Variants in AGAP6 observed in about 807,000 individuals in gnomAD.
The protein encoded by AGAP6 is ArfGAP with GTPase domain, ankyrin repeat and PH domain 6, also known as arf-GAP with GTPase, ANK repeat and PH domain-containing protein 6.
Under a neutral mutation model 63.9 loss-of-function variants are expected in AGAP6, and 29 were observed. The observed-to-expected ratio is 0.45, with a 90% CI of 0.34 to 0.62. The LOEUF (loss-of-function observed/expected upper bound fraction) is 0.62. Ranked by LOEUF, AGAP6 falls within the 20% of genes least tolerant of loss-of-function variation. AGAP6 has a pLI of 0.01. For synonymous variants in AGAP6, 199 were observed against 332.9 expected (o/e 0.60, Z 4.38); for missense variants, 493 against 884.9 (o/e 0.56, Z 5.62).
chr10:49,993,113 G>C (rs1197086414), intron 3 of AGAP6, among the ~76,000 whole-genome samples: 1 of 152,100 alleles, frequency 6.6e-6, no homozygotes, highest in Non-Finnish European at 1.5e-5. Flanking sequence ...ATTACCATGG[G>C]GATGGGACCA....
In AGAP6 at chr10:50,008,298, C is replaced by CTT. The variant is rs1181143677; in HGVS notation, c.585+242_585+243dup. On this transcript the variant is annotated intron_variant, in intron 7 of 7. Transcript: ENST00000412531. ...ACTATCCAAACAACAGAAGATGTAT[C>CTT]TTTTTTTTTTTTTTTTTTTTTATGG... 8.9e-4 allele frequency among the ~76,000 whole-genome samples: 105 copies of CTT among 118,158 alleles called. 1 individual carries two copies. Among genetic ancestry groups the CTT allele is most frequent in the South Asian group, 2.3e-3 (8 of 3,530 alleles). 77.5% of individuals were successfully genotyped at this position (118,158 alleles called of 152,430 possible).
intron 4 of AGAP6, among the ~76,000 whole-genome samples, chr10:49,999,941 A>G (rs1411814656): frequency 7.0e-6 from 1 of 142,246 alleles, no homozygotes; most frequent in African/African-American, 2.7e-5. Flanking sequence ...GATGTCTACA[A>G]GGAAAACAAC....
intron 4 of AGAP6, among the ~76,000 whole-genome samples, chr10:49,997,050 T>C (rs531965160): frequency 4.1e-5 from 6 of 147,710 alleles, no homozygotes; most frequent in Admixed American, 3.4e-4. Context: ...TTAATCCAAA[T>C]TTAGGACCTG....
At chr10:49,992,700 G>A (rs1841327457) in intron 3 of AGAP6, among the ~76,000 whole-genome samples, 1 of 152,116 alleles carries the variant, frequency 6.6e-6, no homozygotes, top group Admixed American at 6.5e-5. Context: ...AAGGCAAAGG[G>A]GAAGCAGGTG....
Position 50,008,651 on chromosome 10 carries a change from A to G in AGAP6, c.586-60A>G, listed in dbSNP as rs532116832. ...TTTAAAAGGTAATTGTGAGCTGTCT[A>G]TAGGACCCTGCAAGCCACTACCCAA... On this transcript the variant is annotated intron_variant, in intron 7 of 7. Coordinates refer to ENST00000412531, the MANE Select transcript of AGAP6 (RefSeq NM_001077665.3). 3.5e-5 allele frequency: 57 copies of G among 1,613,144 alleles called. No homozygotes were observed. In the Admixed American group the frequency reaches 5.8e-4, roughly 17 times the overall value.
intron 6 of AGAP6, 81 bp from the exon 7 acceptor site, chr10:50,007,944 A>C: frequency 6.2e-7 from 1 of 1,608,864 alleles, no homozygotes; most frequent in Non-Finnish European, 8.5e-7. Context: ...ACCAAAGCAC[A>C]CAGGAGGCAG....
intron 4 of AGAP6, among the ~76,000 whole-genome samples, chr10:49,998,947 C>G (rs1370068632): frequency 2.1e-5 from 3 of 141,620 alleles, no homozygotes; most frequent in Non-Finnish European, 4.5e-5. Context: ...GGCACGGTGG[C>G]TCACACCTGT....
intron 4 of AGAP6, among the ~76,000 whole-genome samples, chr10:49,996,115 C>T (rs1841476696): frequency 6.6e-6 from 1 of 152,200 alleles, no homozygotes; most frequent in South Asian, 2.1e-4. Flanking sequence ...AGTATGCCTG[C>T]ATTGATTTTT....
intron 4 of AGAP6, among the ~76,000 whole-genome samples, chr10:49,996,911 T>A (rs1271231959): frequency 6.6e-6 from 1 of 150,452 alleles, no homozygotes; most frequent in Non-Finnish European, 1.5e-5. Flanking sequence ...TATCTACTTT[T>A]TATGTCTCAG....
chr10:50,009,174 C>A lies in AGAP6; in HGVS notation c.1049C>A (p.Ser350Ter). The stretch of plus-strand genomic sequence containing the variant: ...GGAAAGTGGCCATCCCTAGCCACAT[C>A]GGCCTGCACACCCATCTCCAGCTCT... ...VPGKWPSLAT[S>*]ACTPISSSKS... Residue 350 changes from serine (S) to a stop codon, truncating the protein, a stop_gained, in exon 8 of 8, where the codon TCG becomes TAG. Transcript: ENST00000412531. LOFTEE classifies it high-confidence loss of function. 6.2e-7 allele frequency: 1 copy of A among 1,614,212 alleles called. No individual in the cohort carries two copies. Among genetic ancestry groups the A allele is most frequent in the Non-Finnish European group, 8.5e-7 (1 of 1,180,026 alleles).
At chr10:49,991,780 A>T (rs782656593) in intron 3 of AGAP6, 36 bp downstream of exon 3, 87 of 1,597,566 alleles carry the variant, frequency 5.4e-5, no homozygotes, top group Non-Finnish European at 7.0e-5. Flanking sequence ...AAGAGAAAGA[A>T]TAAAAGCTCT....
intron 3 of AGAP6, among the ~76,000 whole-genome samples, chr10:49,993,930 G>A (rs1589087202): frequency 6.6e-6 from 1 of 152,044 alleles, no homozygotes; most frequent in Non-Finnish European, 1.5e-5. Context: ...ACTAAGTGTG[G>A]TTCAAGATGC....
Position 49,992,147 on chromosome 10 carries a change from T to G in AGAP6, c.361+403T>G, listed in dbSNP as rs1214084224. ...CAGCTTGGTTTTCATTTAAACAAAT[T>G]AAAAAACATAGTTGTTTATCATCAG... On this transcript the variant is annotated intron_variant, in intron 3 of 7. Coordinates refer to ENST00000412531, the MANE Select transcript of AGAP6 (RefSeq NM_001077665.3). Among the ~76,000 whole-genome samples the G allele has an allele frequency of 3.2e-4, 48 of 151,548 alleles. 3 individuals carry two copies. The South Asian group carries it at 9.9e-3, about 31-fold the overall frequency.
intron 6 of AGAP6, among the ~76,000 whole-genome samples, chr10:50,006,306 T>C (rs1841912542): frequency 6.6e-6 from 1 of 152,240 alleles, no homozygotes; most frequent in African/African-American, 2.4e-5. Context: ...AACAAGTTTT[T>C]CAAAGTCCAG....
At chr10:50,001,437 T>TTTTA (rs1841695078) in intron 4 of AGAP6, among the ~76,000 whole-genome samples, 1 of 132,946 alleles carries the variant, frequency 7.5e-6, no homozygotes, top group Non-Finnish European at 1.7e-5. Flanking sequence ...TTTTTTTTTT[T>TTTTA]GAGACGGAGT....
rs1276742836 is a variant in AGAP6 at position 49,990,012 on chromosome 10, A to G, written c.292+636A>G. On this transcript the variant is annotated intron_variant, in intron 2 of 7. Coordinates refer to ENST00000412531, the MANE Select transcript of AGAP6 (RefSeq NM_001077665.3). ...AACTTTCAAAAGACATGAAACGTCA[A>G]TGTAGACTTTTAATGTGTAATATAA... Among the ~76,000 whole-genome samples the G allele has an allele frequency of 5.2e-5, 8 of 152,388 alleles. No homozygotes were observed. In the South Asian group the frequency reaches 1.7e-3, roughly 32 times the overall value.
At chr10:50,004,219 A>T (rs1329502208) in intron 5 of AGAP6, among the ~76,000 whole-genome samples, 2 of 146,844 alleles carry the variant, frequency 1.4e-5, no homozygotes, top group Admixed American at 1.4e-4. Flanking sequence ...ATCTGAGCAT[A>T]GTGGCGCAAA....
chr10:50,009,612 T>C lies in AGAP6; in HGVS notation c.1487T>C (p.Val496Ala). The change falls in exon 8 of 8, where the codon GTC becomes GCC. Residue 496 changes from valine (V) to alanine (A), a missense_variant. Coordinates refer to ENST00000412531, the MANE Select transcript of AGAP6 (RefSeq NM_001077665.3). Reference sequence around the variant, plus strand: ...AAGTGGGCCAGTTTGAACTTGGGAGTCCTCATGTGTATTGAATGCTCAGGT... The same window carrying C: ...AAGTGGGCCAGTTTGAACTTGGGAGCCCTCATGTGTATTGAATGCTCAGGT... Reference protein sequence around the residue: ...NPKWASLNLGVLMCIECSGIH... With the variant: ...NPKWASLNLGALMCIECSGIH... The C allele has an allele frequency of 1.2e-6, 2 of 1,613,758 alleles. No individual in the cohort carries two copies. The highest frequency in any genetic ancestry group is 1.7e-6 in the Non-Finnish European group (2 of 1,179,856).
intron 5 of AGAP6, among the ~76,000 whole-genome samples, chr10:50,004,109 C>T (rs371811446): frequency 4.0e-5 from 6 of 151,362 alleles, no homozygotes; most frequent in African/African-American, 1.2e-4. Context: ...CTCTTGAACC[C>T]GGGAGGCAGA....
Sources: gnomAD v4.1 joint callset for allele counts (sites outside exome capture counted in the v4.1 genomes callset) on GRCh38, gnomAD v4.1.1 for gene constraint, MANE v1.5 for transcripts, NCBI Gene and HGNC (gene_info 2026-07-23, HGNC 2026-07-21) for gene names.